SGCG: variants seen among roughly 807,000 people sequenced by gnomAD.
SGCG encodes gamma-sarcoglycan.
In SGCG, 26 loss-of-function variants were observed where a neutral mutation model predicts 29.3. The observed-to-expected ratio is 0.89, with a 90% CI of 0.65 to 1.23. SGCG has a LOEUF of 1.23. Ranked by LOEUF, SGCG falls within the 50% of genes most tolerant of loss-of-function variation. SGCG has a pLI of 0.00. For missense variants in SGCG, 353 were observed against 356.0 expected (o/e 0.99, Z 0.07); for synonymous variants, 145 against 129.7 (o/e 1.12, Z -0.80).
chr13:23,263,207 G>A (rs1880512784), intron 4 of SGCG, among the ~76,000 whole-genome samples: 1 of 151,722 alleles, frequency 6.6e-6, no homozygotes, highest in East Asian at 1.9e-4. Flanking sequence ...CTGACTTTTT[G>A]AAAATATTTT....
At chr13:23,306,546 A>G (rs1882367426) in intron 6 of SGCG, among the ~76,000 whole-genome samples, 2 of 152,350 alleles carry the variant, frequency 1.3e-5, no homozygotes, top group Admixed American at 1.3e-4. Context: ...TATACAGCTC[A>G]TTGATAAAAA....
chr13:23,237,811 A>G (rs1362914372), intron 3 of SGCG, among the ~76,000 whole-genome samples: 3 of 152,078 alleles, frequency 2.0e-5, no homozygotes, highest in African/African-American at 7.2e-5. Context: ...AAAAAAAAAA[A>G]AAGCCCAATA....
chr13:23,281,851 C>T (rs920026091), intron 5 of SGCG, among the ~76,000 whole-genome samples: 1 of 152,218 alleles, frequency 6.6e-6, no homozygotes, highest in African/African-American at 2.4e-5. Context: ...TGCTGTGAGG[C>T]CCAGTTCCTA....
chr13:23,305,739 C>T (rs1302037645), intron 6 of SGCG, among the ~76,000 whole-genome samples: 7 of 152,186 alleles, frequency 4.6e-5, no homozygotes, highest in East Asian at 3.9e-4. Context: ...TTAGTAATTA[C>T]AGAGATAGTC....
chr13:23,280,655 A>C (rs953157787), intron 5 of SGCG, among the ~76,000 whole-genome samples: 4 of 152,178 alleles, frequency 2.6e-5, no homozygotes, highest in African/African-American at 9.7e-5. Context: ...TTCCATTCCT[A>C]CCTCTGCAAT....
At chr13:23,192,342 G>C (rs1317044434) in intron 1 of SGCG, among the ~76,000 whole-genome samples, 1 of 151,896 alleles carries the variant, frequency 6.6e-6, no homozygotes, top group African/African-American at 2.4e-5. Context: ...TGTTGAAGTT[G>C]GTAGGATCTT....
chr13:23,248,879 T>C (rs1468692456), intron 3 of SGCG, among the ~76,000 whole-genome samples: 1 of 149,782 alleles, frequency 6.7e-6, no homozygotes, highest in African/African-American at 2.5e-5. Flanking sequence ...TAGTCCCACC[T>C]ACTTGGGAGG....
intron 4 of SGCG, among the ~76,000 whole-genome samples, chr13:23,266,085 G>A (rs1195209875): frequency 6.6e-6 from 1 of 152,018 alleles, no homozygotes; most frequent in East Asian, 1.9e-4. Context: ...AGACCAGCCT[G>A]GACAACATGT....
intron 4 of SGCG, among the ~76,000 whole-genome samples, chr13:23,261,811 T>C (rs1204609154): frequency 6.6e-6 from 1 of 152,098 alleles, no homozygotes; most frequent in Non-Finnish European, 1.5e-5. Flanking sequence ...GCAAATTTCT[T>C]AGCAGAAACC....
intron 5 of SGCG, 52 bp from the exon 6 acceptor site, chr13:23,295,363 T>C (rs1038992928): frequency 7.9e-7 from 1 of 1,273,170 alleles, no homozygotes; most frequent in Non-Finnish European, 1.2e-6. Flanking sequence ...TTATTTTGTT[T>C]GGTGTCACTT....
intron 6 of SGCG, among the ~76,000 whole-genome samples, chr13:23,310,082 T>A (rs1882511436): frequency 3.2e-5 from 2 of 62,456 alleles, no homozygotes; most frequent in Admixed American, 1.8e-4. Flanking sequence ...TTTTCTCTTT[T>A]TTTTTTTTTT....
At chr13:23,296,761 A>G (rs543067342) in intron 6 of SGCG, among the ~76,000 whole-genome samples, 1 of 152,278 alleles carries the variant, frequency 6.6e-6, no homozygotes, top group South Asian at 2.1e-4. Context: ...TACCCTGAAT[A>G]TATAAAAATC....
chr13:23,293,344 A>G (rs1881788397), intron 5 of SGCG, among the ~76,000 whole-genome samples: 1 of 152,180 alleles, frequency 6.6e-6, no homozygotes, highest in African/African-American at 2.4e-5. Context: ...TAATTTTAAA[A>G]TTTCACTTTG....
intron 1 of SGCG, among the ~76,000 whole-genome samples, chr13:23,197,795 A>G (rs751594669): frequency 3.3e-5 from 5 of 152,238 alleles, no homozygotes; most frequent in African/African-American, 4.8e-5. Context: ...CAATGGTTAA[A>G]TAAGCAATTG....
chr13:23,185,844 C>G (rs1316528900), intron 1 of SGCG, among the ~76,000 whole-genome samples: 1 of 152,190 alleles, frequency 6.6e-6, no homozygotes, highest in African/African-American at 2.4e-5. Context: ...GCCATCACTT[C>G]CACAACTGAA....
intron 5 of SGCG, among the ~76,000 whole-genome samples, chr13:23,285,461 A>T (rs1439114514): frequency 6.6e-6 from 1 of 152,104 alleles, no homozygotes; most frequent in African/African-American, 2.4e-5. Flanking sequence ...CCCTCCCCTC[A>T]CCAAGCCCAA....
chr13:23,294,617 C>A (rs1382725878), intron 5 of SGCG, among the ~76,000 whole-genome samples: 1 of 152,176 alleles, frequency 6.6e-6, no homozygotes, highest in Admixed American at 6.5e-5. Context: ...TTGCTACTGG[C>A]ACATTACTTT....
chr13:23,208,946 T>C (rs1052558948), intron 2 of SGCG, among the ~76,000 whole-genome samples: 2 of 152,152 alleles, frequency 1.3e-5, no homozygotes, highest in African/African-American at 4.8e-5. Context: ...TTAATGATAT[T>C]GATTTTTTAG....
intron 1 of SGCG, among the ~76,000 whole-genome samples, chr13:23,191,559 G>C (rs1403389600): frequency 3.6e-5 from 5 of 139,058 alleles, no homozygotes; most frequent in Admixed American, 2.1e-4. Flanking sequence ...GTCCCCAGCT[G>C]TGAGGAGAAG....
Sources: gnomAD v4.1 joint callset for allele counts (sites outside exome capture counted in the v4.1 genomes callset) on GRCh38, gnomAD v4.1.1 for gene constraint, MANE v1.5 for transcripts, NCBI Gene and HGNC (gene_info 2026-07-23, HGNC 2026-07-21) for gene names.